LYPLA1: variants seen among roughly 807,000 people sequenced by gnomAD.
The protein encoded by LYPLA1 is lysophospholipase 1.
A neutral mutation model predicts 34.0 loss-of-function variants in LYPLA1; 17 were observed. That is an observed-to-expected ratio of 0.50 (90% confidence interval 0.34 to 0.75). The LOEUF is 0.75. Among genes scored for constraint, LYPLA1 ranks in the 30% least tolerant of loss-of-function variants. The pLI, the probability that LYPLA1 is intolerant of heterozygous loss-of-function variation, is 0.01. For synonymous variants in LYPLA1, 98 were observed against 100.8 expected, an observed-to-expected ratio of 0.97 and a Z score of 0.17; for missense variants, 203 against 288.8, an observed-to-expected ratio of 0.70 and a Z score of 2.15.
intron 2 of LYPLA1, among the ~76,000 whole-genome samples, chr8:54,079,456 G>A (rs776157285): frequency 6.6e-6 from 1 of 152,074 alleles, no homozygotes; most frequent in Non-Finnish European, 1.5e-5. Flanking sequence ...AAGCAATTAA[G>A]GCACTCTTTG....
At chr8:54,094,945 A>T (rs1474460134) in intron 2 of LYPLA1, among the ~76,000 whole-genome samples, 2 of 152,230 alleles carry the variant, frequency 1.3e-5, no homozygotes, top group Non-Finnish European at 2.9e-5. Context: ...ATTTTGAAAC[A>T]AATGAGTATC....
At chr8:54,096,567 C>T (rs1325233988) in intron 2 of LYPLA1, among the ~76,000 whole-genome samples, 1 of 152,008 alleles carries the variant, frequency 6.6e-6, no homozygotes, top group Non-Finnish European at 1.5e-5. Context: ...TGAAACCCCC[C>T]CGTCTCTACT....
At chr8:54,055,010 CT>C in intron 6 of LYPLA1, 49 bp downstream of exon 6, 1 of 1,129,486 alleles carries the variant, frequency 8.9e-7, no homozygotes, top group Non-Finnish European at 1.3e-6. Context: ...GCACAGACTT[CT>C]AAATAAGTAT....
chr8:54,049,491 G>A lies in LYPLA1; in HGVS notation c.640-1373C>T, dbSNP rs529351912. 7.9e-5 allele frequency among the ~76,000 whole-genome samples: 12 copies of A among 152,028 alleles called. No homozygotes were observed. In the South Asian group the frequency reaches 1.0e-3, roughly 13 times the overall value. On this transcript the variant is annotated intron_variant, in intron 8 of 8. Coordinates refer to ENST00000316963, the MANE Select transcript of LYPLA1 (RefSeq NM_006330.4). ...ATGGCTCACTGCAGCAGCAACCTCC[G>A]GAGATCAAGTGATCCTCTCGCCTCA...
intron 2 of LYPLA1, among the ~76,000 whole-genome samples, chr8:54,096,819 G>A (rs1167429807): frequency 1.3e-5 from 2 of 152,034 alleles, no homozygotes; most frequent in Non-Finnish European, 2.9e-5. Context: ...TGAGGCAGCA[G>A]AACTGCTTGA....
intron 2 of LYPLA1, among the ~76,000 whole-genome samples, chr8:54,071,466 T>C (rs1367349171): frequency 6.6e-6 from 1 of 152,120 alleles, no homozygotes; most frequent in African/African-American, 2.4e-5. Flanking sequence ...CTCATCTATA[T>C]ATACGTACAT....
chr8:54,068,858 G>A (rs1349487415), intron 2 of LYPLA1, among the ~76,000 whole-genome samples: 1 of 152,038 alleles, frequency 6.6e-6, no homozygotes, highest in African/African-American at 2.4e-5. Context: ...TGTTTCAAAG[G>A]ACACTATGAA....
Position 54,048,289 on chromosome 8 carries a change from T to C in LYPLA1, c.640-171A>G, listed in dbSNP as rs181625650. The stretch of plus-strand genomic sequence containing the variant: ...AGGCTCCAACAGAAATTTCAGGACA[T>C]TTCCTATCATGATTATTGTACACTG... On this transcript the variant is annotated intron_variant, in intron 8 of 8. Transcript: ENST00000316963. 4.1e-3 allele frequency among the ~76,000 whole-genome samples: 617 copies of C among 152,288 alleles called. 4 individuals are homozygous for C. Among genetic ancestry groups the C allele is most frequent in the African/African-American group, 0.013 (560 of 41,576 alleles).
chr8:54,078,581 T>TA (rs749028908), intron 2 of LYPLA1, among the ~76,000 whole-genome samples: 10 of 152,218 alleles, frequency 6.6e-5, no homozygotes, highest in Non-Finnish European at 1.3e-4. Flanking sequence ...GGCGCATCTA[T>TA]ATTCAGCTAA....
intron 2 of LYPLA1, among the ~76,000 whole-genome samples, chr8:54,084,191 A>T (rs1644409028): frequency 6.8e-6 from 1 of 146,162 alleles, no homozygotes; most frequent in Non-Finnish European, 1.5e-5. Context: ...TTAACAACCT[A>T]ATCTTTTACC....
intron 8 of LYPLA1, among the ~76,000 whole-genome samples, chr8:54,049,003 TA>T (rs940085464): frequency 1.2e-4 from 19 of 152,220 alleles, no homozygotes; most frequent in African/African-American, 3.1e-4. Context: ...ACAGCTGCTC[TA>T]GAGACCTTCA....
chr8:54,079,394 C>A (rs1209765915), intron 2 of LYPLA1, among the ~76,000 whole-genome samples: 1 of 152,184 alleles, frequency 6.6e-6, no homozygotes, highest in South Asian at 2.1e-4. Flanking sequence ...ATAATAAATA[C>A]CTGGCATATG....
chr8:54,050,772 T>C (rs1805788333), intron 8 of LYPLA1, among the ~76,000 whole-genome samples: 1 of 152,234 alleles, frequency 6.6e-6, no homozygotes, highest in South Asian at 2.1e-4. Flanking sequence ...TATCTTAAAT[T>C]TTAATGAAAG....
intron 5 of LYPLA1, among the ~76,000 whole-genome samples, chr8:54,055,888 G>A (rs919407047): frequency 5.3e-5 from 8 of 152,018 alleles, no homozygotes; most frequent in African/African-American, 1.9e-4. Flanking sequence ...AGATCCGCCC[G>A]CCTCGGCCTC....
chr8:54,084,811 T>C (rs559623738), intron 2 of LYPLA1, among the ~76,000 whole-genome samples: 1 of 152,300 alleles, frequency 6.6e-6, no homozygotes, highest in South Asian at 2.1e-4. Context: ...GACAAATTCC[T>C]AGAATGACAC....
At chr8:54,092,400 G>A (rs981019618) in intron 2 of LYPLA1, among the ~76,000 whole-genome samples, 3 of 151,898 alleles carry the variant, frequency 2.0e-5, no homozygotes, top group Middle Eastern at 3.2e-3. Context: ...AAGAAGAGGA[G>A]GCATGCAGAC....
At chr8:54,094,307 A>T (rs1484514124) in intron 2 of LYPLA1, among the ~76,000 whole-genome samples, 1 of 152,112 alleles carries the variant, frequency 6.6e-6, no homozygotes, top group African/African-American at 2.4e-5. Context: ...GTTTCCCCTT[A>T]ATTGGAACTG....
At chr8:54,067,619 A>C (rs183117487) in intron 2 of LYPLA1, among the ~76,000 whole-genome samples, 1 of 151,922 alleles carries the variant, frequency 6.6e-6, no homozygotes, top group Non-Finnish European at 1.5e-5. Context: ...TGCTTTTTAC[A>C]TATTATCTCT....
At chr8:54,062,739 T>C (rs1415665753) in intron 4 of LYPLA1, among the ~76,000 whole-genome samples, 7 of 152,148 alleles carry the variant, frequency 4.6e-5, no homozygotes, top group Non-Finnish European at 1.5e-5. Context: ...CCTGAACTCC[T>C]GACCTCAGTT....
Sources: gnomAD v4.1 joint callset for allele counts (sites outside exome capture counted in the v4.1 genomes callset) on GRCh38, gnomAD v4.1.1 for gene constraint, MANE v1.5 for transcripts, NCBI Gene and HGNC (gene_info 2026-07-23, HGNC 2026-07-21) for gene names.